Variants in FREM2 observed in about 807,000 individuals in gnomAD.
FREM2 encodes FRAS1-related extracellular matrix protein 2.
FREM2 carries 119 observed loss-of-function variants against 219.9 expected under a neutral mutation model. That is an observed-to-expected ratio of 0.54 (90% CI 0.47 to 0.63). The LOEUF is 0.63. FREM2 is among the 30% of genes least tolerant of loss of function. FREM2 has a pLI of 0.00. For missense variants in FREM2, 4,030 were observed against 3,993.6 expected, an observed-to-expected ratio of 1.01 and a Z score of -0.25; for synonymous variants, 1,562 against 1,522.8, an observed-to-expected ratio of 1.03 and a Z score of -0.60.
intron 2 of FREM2, among the ~76,000 whole-genome samples, chr13:38,737,982 A>C (rs1427076504): frequency 6.6e-6 from 1 of 152,172 alleles, no homozygotes; most frequent in Non-Finnish European, 1.5e-5. Flanking sequence ...CCAGGTAGAA[A>C]GCCATTGAAG....
intron 3 of FREM2, among the ~76,000 whole-genome samples, chr13:38,765,936 A>T (rs182450582): frequency 6.6e-6 from 1 of 152,278 alleles, no homozygotes; most frequent in Admixed American, 6.5e-5. Context: ...TTAGGGACAT[A>T]TTCTCTGTGC....
intron 2 of FREM2, among the ~76,000 whole-genome samples, chr13:38,704,028 G>A (rs2138086274): frequency 6.6e-6 from 1 of 152,230 alleles, no homozygotes. Context: ...GGGAGAAGTG[G>A]GAAGTTATTT....
chr13:38,697,717 A>G lies in FREM2; in HGVS notation c.5193A>G (p.Lys1731=). Reference sequence around the variant, plus strand: ...TTCTAGCTGACATTGATGACATGAAAATATGCTATGTCTTAAGAGAAGGGG... The same window carrying G: ...TTCTAGCTGACATTGATGACATGAAGATATGCTATGTCTTAAGAGAAGGGG... ...QFTQADIDDM[K]ICYVLREGAN... The change falls in exon 2 of 24, where the codon AAA becomes AAG. Residue 1731 remains lysine, a synonymous_variant. Coordinates refer to ENST00000280481, the MANE Select transcript of FREM2 (RefSeq NM_207361.6). 6.2e-7 allele frequency: 1 copy of G among 1,603,158 alleles called. No individual in the cohort carries two copies. Among genetic ancestry groups the G allele is most frequent in the African/African-American group, 1.3e-5 (1 of 74,846 alleles).
At chr13:38,790,247 C>G (rs1430269715) in intron 6 of FREM2, among the ~76,000 whole-genome samples, 2 of 152,154 alleles carry the variant, frequency 1.3e-5, no homozygotes, top group East Asian at 3.9e-4. Flanking sequence ...GGTATCCAGA[C>G]TTTATTCGTG....
rs140737987 is a variant in FREM2, at chr13:38,719,778, C to T, written c.5263+21991C>T. ...CATTATTCTGCCAACCACAGTCACC[C>T]TACTTGTTGGATATGATTGTAATTT... On this transcript the variant is annotated intron_variant, in intron 2 of 23. Transcript: ENST00000280481. 8.0e-4 allele frequency among the ~76,000 whole-genome samples: 122 copies of T among 152,244 alleles called. 1 individual carries two copies. The highest frequency in any genetic ancestry group is 2.8e-3 in the African/African-American group (115 of 41,548).
intron 6 of FREM2, among the ~76,000 whole-genome samples, chr13:38,807,227 A>ATATG (rs1555268816): frequency 4.8e-5 from 6 of 125,684 alleles, no homozygotes; most frequent in African/African-American, 1.7e-4. Flanking sequence ...ATATATATAT[A>ATATG]TGTATGGTTT....
In FREM2 at chr13:38,708,590, G is replaced by A. The variant is rs146581808; in HGVS notation, c.5263+10803G>A. On this transcript the variant is annotated intron_variant, in intron 2 of 23. Coordinates refer to ENST00000280481, the MANE Select transcript of FREM2 (RefSeq NM_207361.6). ...AATCACCTGAACCCGGGAGATGGAG[G>A]TTGTGGTGAGCTGAGATTGCGCCAC... Among the ~76,000 whole-genome samples, 19 of 152,180 alleles carry A rather than the reference G, an allele frequency of 1.2e-4. 1 individual carries two copies. In the East Asian group the frequency reaches 3.7e-3, roughly 30 times the overall value.
rs149117682 is a variant in FREM2 at position 38,884,291 on chromosome 13, A to T, written c.*3504A>T. ...GTGTGCCAACTCCAAAGTCAACATTAAAAATGTAAATGGACCTGTGTAAAT... is the reference window on the plus strand; with the variant it reads ...GTGTGCCAACTCCAAAGTCAACATTTAAAATGTAAATGGACCTGTGTAAAT... On this transcript the variant is annotated 3_prime_UTR_variant, in exon 24 of 24. Transcript: ENST00000280481. 6.6e-6 allele frequency: 1 copy of T among 152,218 alleles called. No homozygotes were observed. The highest frequency in any genetic ancestry group is 1.5e-5 in the Non-Finnish European group (1 of 68,032). 9.4% of individuals were successfully genotyped at this position (152,218 alleles called of 1,614,324 possible). A position where few individuals can be genotyped will look rare whatever the true frequency, so the allele number is the denominator to read the frequency against.
At chr13:38,719,307 G>T (rs895687949) in intron 2 of FREM2, among the ~76,000 whole-genome samples, 6 of 152,088 alleles carry the variant, frequency 3.9e-5, no homozygotes, top group African/African-American at 1.2e-4. Flanking sequence ...TGACACCTCC[G>T]CCTCCTAGGT....
In FREM2 at chr13:38,697,616, CTAAT is replaced by C; in HGVS notation, c.5174-81_5174-78del. ...GAATTTAAACATGTTTATAGGAAAA[CTAAT>C]AGCCAATAAAATTTACCATAATGAA... On this transcript the variant is annotated intron_variant, in intron 1 of 23. Coordinates refer to ENST00000280481, the MANE Select transcript of FREM2 (RefSeq NM_207361.6). 6 of 814,736 alleles carry C rather than the reference CTAAT, an allele frequency of 7.4e-6. No individual in the cohort carries two copies. In the Middle Eastern group the frequency reaches 7.4e-4, roughly 101 times the overall value. 50.5% of individuals were successfully genotyped at this position (814,736 alleles called of 1,614,324 possible).
At chr13:38,841,484 T>G (rs1045009664) in intron 6 of FREM2, among the ~76,000 whole-genome samples, 1 of 152,170 alleles carries the variant, frequency 6.6e-6, no homozygotes, top group Admixed American at 6.5e-5. Flanking sequence ...CCCTAGCGTC[T>G]GTATTTTTAA....
intron 6 of FREM2, among the ~76,000 whole-genome samples, chr13:38,802,700 G>C (rs957181330): frequency 6.6e-6 from 1 of 152,188 alleles, no homozygotes; most frequent in African/African-American, 2.4e-5. Context: ...TTCTCAGAAT[G>C]GCACCAAGCT....
chr13:38,798,824 C>T (rs1273863478), intron 6 of FREM2, among the ~76,000 whole-genome samples: 4 of 151,918 alleles, frequency 2.6e-5, no homozygotes, highest in Non-Finnish European at 5.9e-5. Context: ...AAGTTTCCTT[C>T]TTCCTTTCTG....
At chr13:38,839,412 G>T (rs1876853029) in intron 6 of FREM2, among the ~76,000 whole-genome samples, 1 of 152,194 alleles carries the variant, frequency 6.6e-6, no homozygotes, top group African/African-American at 2.4e-5. Flanking sequence ...CTGCTAGGAG[G>T]TATCTCCCCA....
At chr13:38,808,540 A>T (rs1875343475) in intron 6 of FREM2, among the ~76,000 whole-genome samples, 1 of 151,888 alleles carries the variant, frequency 6.6e-6, no homozygotes, top group South Asian at 2.1e-4. Context: ...AAGCTTATTA[A>T]TTGGCCTGAT....
At chr13:38,827,088 T>C (rs546584679) in intron 6 of FREM2, among the ~76,000 whole-genome samples, 105 of 152,250 alleles carry the variant, frequency 6.9e-4, no homozygotes, top group African/African-American at 2.4e-3. Flanking sequence ...GTCCAGACTC[T>C]TAACCATTTT....
At chr13:38,872,087 A>G (rs1042803662) in intron 16 of FREM2, among the ~76,000 whole-genome samples, 2 of 152,230 alleles carry the variant, frequency 1.3e-5, no homozygotes, top group East Asian at 1.9e-4. Flanking sequence ...ATGAAATGTA[A>G]TATGTGCATA....
chr13:38,852,255 T>A (rs998952841), intron 11 of FREM2, among the ~76,000 whole-genome samples: 9 of 152,222 alleles, frequency 5.9e-5, no homozygotes, highest in Admixed American at 5.2e-4. Flanking sequence ...GTTTCTGAGC[T>A]GTTTCAATTA....
At chr13:38,724,703 T>C (rs929716858) in intron 2 of FREM2, among the ~76,000 whole-genome samples, 2 of 152,178 alleles carry the variant, frequency 1.3e-5, no homozygotes, top group Non-Finnish European at 2.9e-5. Context: ...ACCTGGGGCC[T>C]TTCTGTTTCT....
Sources: allele counts gnomAD v4.1 joint callset (sites outside exome capture counted in the v4.1 genomes callset), GRCh38; gene constraint gnomAD v4.1.1; transcripts MANE v1.5; gene names NCBI Gene and HGNC (gene_info 2026-07-23, HGNC 2026-07-21).